The following NTRK3 variants were observed in gnomAD, a reference collection of about 807,000 sequenced individuals.
NTRK3 encodes NT-3 growth factor receptor.
Under a neutral mutation model 91.7 loss-of-function variants are expected in NTRK3, and 24 were observed. That is an observed-to-expected ratio of 0.26 (90% CI 0.19 to 0.37). The LOEUF (loss-of-function observed/expected upper bound fraction) is 0.37, where lower values mean the gene tolerates loss of function less well. Ranked by LOEUF, NTRK3 falls within the 10% of genes least tolerant of loss-of-function variation. NTRK3 has a pLI of 1.00. For synonymous variants in NTRK3, 483 were observed against 404.0 expected (o/e 1.20, Z -2.34); for missense variants, 880 against 1,068.9 (o/e 0.82, Z 2.46).
chr15:88,059,927 A>T (rs1397501897), intron 13 of NTRK3, among the ~76,000 whole-genome samples: 2 of 152,222 alleles, frequency 1.3e-5, no homozygotes, highest in African/African-American at 4.8e-5. Flanking sequence ...CCATGTGAAG[A>T]TACAATGAGA....
intron 14 of NTRK3, among the ~76,000 whole-genome samples, chr15:87,959,586 C>T (rs1181608929): frequency 6.6e-6 from 1 of 152,210 alleles, no homozygotes; most frequent in Non-Finnish European, 1.5e-5. Context: ...AGCATAGATT[C>T]TACCAGCAAA....
Position 88,013,030 on chromosome 15 carries a change from A to C in NTRK3, c.1585+19827T>G, listed in dbSNP as rs62019238. Among the ~76,000 whole-genome samples, 30 of 149,452 alleles carry C rather than the reference A, an allele frequency of 2.0e-4. 1 individual carries two copies. The East Asian group carries it at 2.6e-3, about 13-fold the overall frequency. ...CAGCTGAAACCGTGCACTGGTAAAG[A>C]CCCACTACCAGCAGCTGAAACCGTG... On this transcript the variant is annotated intron_variant, in intron 14 of 18. Coordinates refer to ENST00000394480, the Ensembl canonical transcript of NTRK3.
chr15:88,242,673 AGGG>A (rs370800275), intron 3 of NTRK3, among the ~76,000 whole-genome samples: 1 of 152,140 alleles, frequency 6.6e-6, no homozygotes, highest in African/African-American at 2.4e-5. Flanking sequence ...CTAGGATGAA[AGGG>A]GGTAGACTCT....
intron 14 of NTRK3, among the ~76,000 whole-genome samples, chr15:87,965,308 A>C (rs976532789): frequency 1.3e-5 from 2 of 152,234 alleles, no homozygotes; most frequent in African/African-American, 4.8e-5. Flanking sequence ...ATTAAAAGAA[A>C]AAAACTATCC....
At chr15:88,032,082 G>C (rs971425019) in intron 14 of NTRK3, among the ~76,000 whole-genome samples, 2 of 152,130 alleles carry the variant, frequency 1.3e-5, no homozygotes, top group African/African-American at 4.8e-5. Flanking sequence ...ATCATTTCCT[G>C]GGGACAGGAA....
chr15:88,213,915 A>G (rs2141463137), intron 3 of NTRK3, among the ~76,000 whole-genome samples: 1 of 152,170 alleles, frequency 6.6e-6, no homozygotes, highest in South Asian at 2.1e-4. Flanking sequence ...CCCCGTCTCT[A>G]CTAAAAATAC....
chr15:88,134,074 G>A (rs1218320698), intron 10 of NTRK3, among the ~76,000 whole-genome samples: 3 of 152,124 alleles, frequency 2.0e-5, no homozygotes, highest in African/African-American at 4.8e-5. Flanking sequence ...TTCCCTTTGT[G>A]CACGTGTGTG....
At chr15:88,011,545 C>T (rs1343526167) in intron 14 of NTRK3, among the ~76,000 whole-genome samples, 2 of 152,142 alleles carry the variant, frequency 1.3e-5, no homozygotes, top group African/African-American at 2.4e-5. Context: ...GCAAAATCTT[C>T]TCCTTGACTT....
intron 17 of NTRK3, among the ~76,000 whole-genome samples, chr15:87,888,309 C>T (rs1372453418): frequency 2.6e-5 from 4 of 152,108 alleles, no homozygotes; most frequent in African/African-American, 7.2e-5. Flanking sequence ...TGGAGCAGAA[C>T]GAGAATGTCA....
chr15:87,917,697 TG>T (rs2067544935), intron 17 of NTRK3, among the ~76,000 whole-genome samples: 2 of 152,228 alleles, frequency 1.3e-5, no homozygotes, highest in African/African-American at 4.8e-5. Flanking sequence ...AGGTAGTAAG[TG>T]AGTTATTCAT....
At chr15:87,997,779 A>T (rs996138085) in intron 14 of NTRK3, among the ~76,000 whole-genome samples, 1 of 152,214 alleles carries the variant, frequency 6.6e-6, no homozygotes. Context: ...AGGCACTTAG[A>T]TAACACTTGT....
intron 5 of NTRK3, among the ~76,000 whole-genome samples, chr15:88,181,074 G>C (rs2046413105): frequency 6.6e-6 from 1 of 152,038 alleles, no homozygotes; most frequent in South Asian, 2.1e-4. Context: ...TGAGCACCCT[G>C]ACTTGCCCCT....
At chr15:87,865,797 C>T (rs903496269) in exon 19 of NTRK3, 49 of 228,214 alleles carry the variant, frequency 2.1e-4, no homozygotes, top group African/African-American at 1.1e-3. Flanking sequence ...TGTCCCTTTC[C>T]AGTGACTAAG....
At chr15:88,140,098 C>A (rs114789445) in intron 6 of NTRK3, among the ~76,000 whole-genome samples, 149 of 152,240 alleles carry the variant, frequency 9.8e-4, no homozygotes, top group African/African-American at 3.5e-3. Flanking sequence ...AGGACTTTTA[C>A]TGCCACATCA....
chr15:87,906,411 T>C lies in NTRK3; in HGVS notation c.2133+22780A>G, dbSNP rs2066768924. 3.9e-5 allele frequency among the ~76,000 whole-genome samples: 6 copies of C among 152,138 alleles called. No individual in the cohort carries two copies. The South Asian group carries it at 1.2e-3, about 32-fold the overall frequency. On this transcript the variant is annotated intron_variant, in intron 17 of 18. Coordinates refer to ENST00000394480, the Ensembl canonical transcript of NTRK3. ...ACAAGTCAGAGATTAAGGGACTTTC[T>C]ACAAAGATGCTCCCCAAATAGATGA...
chr15:88,051,737 G>C (rs2080844419), intron 13 of NTRK3, among the ~76,000 whole-genome samples: 1 of 151,542 alleles, frequency 6.6e-6, no homozygotes, highest in African/African-American at 2.4e-5. Flanking sequence ...AAGTAAAAAA[G>C]AAAAAAAACA....
At chr15:88,001,072 G>A (rs1208852395) in intron 14 of NTRK3, among the ~76,000 whole-genome samples, 1 of 152,082 alleles carries the variant, frequency 6.6e-6, no homozygotes, top group African/African-American at 2.4e-5. Context: ...ATATTACAAT[G>A]TGGATTTGCA....
rs1272732206 is a variant in NTRK3, at chr15:88,147,326, C to A, written c.464+9G>T. 7 of 1,613,108 alleles carry A rather than the reference C, an allele frequency of 4.3e-6. No individual in the cohort carries two copies. Among genetic ancestry groups the A allele is most frequent in the African/African-American group, 2.7e-5 (2 of 74,876 alleles). On this transcript the variant is annotated intron_variant, in intron 6 of 18. Coordinates refer to ENST00000394480, the Ensembl canonical transcript of NTRK3. ...TCAGTACCTGGACAGTCTTCAAAAC[C>A]AAACTTACAATTCCCGAAGACTCAG...
chr15:88,142,065 G>A (rs912267012), intron 6 of NTRK3, among the ~76,000 whole-genome samples: 5 of 152,016 alleles, frequency 3.3e-5, no homozygotes, highest in Admixed American at 3.3e-4. Flanking sequence ...ACCCTAGACA[G>A]CCCACTGAGC....
Sources: allele counts gnomAD v4.1 joint callset (sites outside exome capture counted in the v4.1 genomes callset), GRCh38; gene constraint gnomAD v4.1.1; transcripts MANE v1.5; gene names NCBI Gene and HGNC (gene_info 2026-07-23, HGNC 2026-07-21).